Variants in ZDHHC7 observed in about 807,000 individuals in gnomAD.
ZDHHC7 encodes palmitoyltransferase ZDHHC7.
ZDHHC7 carries 12 observed loss-of-function variants against 34.1 expected under a neutral mutation model. The ratio of observed to expected loss-of-function variants is 0.35; its 90% CI spans 0.23 to 0.57. The LOEUF (loss-of-function observed/expected upper bound fraction) is 0.57. ZDHHC7 is among the 20% of genes least tolerant of loss of function. ZDHHC7 has a pLI of 0.84. For missense variants in ZDHHC7, 388 were observed against 402.7 expected (o/e 0.96, Z 0.31); for synonymous variants, 185 against 155.4 (o/e 1.19, Z -1.42).
chr16:85,010,789 C>G (rs946354713), intron 1 of ZDHHC7, among the ~76,000 whole-genome samples: 2 of 152,294 alleles, frequency 1.3e-5, no homozygotes. Flanking sequence ...AACTAACACC[C>G]AAAGATGACT....
At chr16:85,018,241 A>G in the ZDHHC7 span, among the ~76,000 whole-genome samples, 2 of 152,156 alleles carry the variant, frequency 1.3e-5, no homozygotes, top group Admixed American at 6.5e-5. Flanking sequence ...GAGTAAAAGC[A>G]GGAAGACACA....
intron 3 of ZDHHC7, among the ~76,000 whole-genome samples, chr16:84,983,249 T>C (rs1380792510): frequency 3.9e-5 from 6 of 152,160 alleles, no homozygotes; most frequent in African/African-American, 1.4e-4. Context: ...AAATGGAAGG[T>C]GGGAGCTAAC....
intron 1 of ZDHHC7, among the ~76,000 whole-genome samples, chr16:84,998,969 G>A (rs2072620115): frequency 6.6e-6 from 1 of 152,054 alleles, no homozygotes; most frequent in African/African-American, 2.4e-5. Flanking sequence ...TAGCCAGGCT[G>A]GTCTCGAACT....
Position 85,011,505 on chromosome 16 carries a change from T to C in ZDHHC7, c.-323A>G, listed in dbSNP as rs1179315559. ...AAATGCCTCAGCCCGGAGCCTTGGCTGGAGAGCGGGGCGGTGCGAGCGCCG... is the reference window on the plus strand; with the variant it reads ...AAATGCCTCAGCCCGGAGCCTTGGCCGGAGAGCGGGGCGGTGCGAGCGCCG... On this transcript the variant is annotated 5_prime_UTR_variant, in exon 1 of 8. Transcript: ENST00000313732. 4 of 152,142 alleles carry C rather than the reference T, an allele frequency of 2.6e-5. No homozygotes were observed. The highest frequency in any genetic ancestry group is 5.9e-5 in the Non-Finnish European group (4 of 68,032). 9.4% of individuals were successfully genotyped at this position (152,142 alleles called of 1,614,324 possible).
chr16:84,979,643 T>C (rs764394019), intron 4 of ZDHHC7, among the ~76,000 whole-genome samples: 3 of 152,132 alleles, frequency 2.0e-5, no homozygotes, highest in South Asian at 2.1e-4. Flanking sequence ...ACTGAAATTT[T>C]ACCCTCAAGG....
intron 3 of ZDHHC7, chr16:84,988,767 A>G (rs1411577154): frequency 1.5e-5 from 23 of 1,551,380 alleles, no homozygotes; most frequent in African/African-American, 2.7e-5. Context: ...ACTCACAAGC[A>G]GGAGGCTTTG....
chr16:85,003,450 G>C (rs1325250275), intron 1 of ZDHHC7, among the ~76,000 whole-genome samples: 1 of 152,222 alleles, frequency 6.6e-6, no homozygotes, highest in African/African-American at 2.4e-5. Context: ...GTGAGCTGAT[G>C]GCGACTGCGC....
At chr16:85,001,562 G>A (rs1204256479) in intron 1 of ZDHHC7, among the ~76,000 whole-genome samples, 3 of 152,006 alleles carry the variant, frequency 2.0e-5, no homozygotes. Flanking sequence ...GAGGAAGCTA[G>A]AATGACCTAA....
chr16:84,980,894 A>G (rs1303234196), intron 4 of ZDHHC7, among the ~76,000 whole-genome samples: 1 of 152,154 alleles, frequency 6.6e-6, no homozygotes, highest in Non-Finnish European at 1.5e-5. Flanking sequence ...ATCTTTCTTT[A>G]CTTTCTGGCC....
chr16:84,998,182 C>T (rs1311780615), intron 1 of ZDHHC7, among the ~76,000 whole-genome samples: 31 of 149,948 alleles, frequency 2.1e-4, no homozygotes, highest in Admixed American at 1.3e-4. Context: ...GAGAACGGCG[C>T]GAACCCGGGA....
At position 84,981,774 on chromosome 16, in the gene ZDHHC7, A is replaced by G. The variant is rs1030160503; in HGVS notation, c.440+96T>C. ...AACGTTGCCCAGATGCTCGGGGGCC[A>G]TGTACCTACGGTGGTGGGCGCACTC... On this transcript the variant is annotated intron_variant, in intron 4 of 7. Transcript: ENST00000313732. 3 of 1,596,884 alleles carry G rather than the reference A, an allele frequency of 1.9e-6. No homozygotes were observed. In the East Asian group the frequency reaches 6.7e-5, roughly 36 times the overall value.
At chr16:85,018,451 CT>C in the ZDHHC7 span, among the ~76,000 whole-genome samples, 35,206 of 142,826 alleles carry the variant, frequency 0.25, 5,249 homozygotes, top group African/African-American at 0.43. Flanking sequence ...TATTTGTATT[CT>C]TTTTTTTTTT....
the ZDHHC7 span, among the ~76,000 whole-genome samples, chr16:85,018,758 CT>C: frequency 3.9e-5 from 6 of 151,972 alleles, no homozygotes; most frequent in Admixed American, 2.6e-4. Context: ...CTGGTGTCTT[CT>C]CTATTTCAAG....
chr16:85,026,569 A>C, the ZDHHC7 span, among the ~76,000 whole-genome samples: 12 of 151,360 alleles, frequency 7.9e-5, 1 homozygote, highest in African/African-American at 2.9e-4. Flanking sequence ...TTTCCCAAGG[A>C]GTCTACAGTT....
At chr16:85,027,456 G>T in the ZDHHC7 span, among the ~76,000 whole-genome samples, 1 of 152,238 alleles carries the variant, frequency 6.6e-6, no homozygotes, top group South Asian at 2.1e-4. Flanking sequence ...CCCTGATGGC[G>T]CTTCCCATGC....
rs1239298884 is a variant in ZDHHC7 at position 84,975,953 on chromosome 16, G to A, written c.*390C>T. ...CACTGCTGAGTGGCGGGGTCAGCAG[G>A]AGCCCCCTGAAATGACTGCTTGGAG... On this transcript the variant is annotated 3_prime_UTR_variant, in exon 8 of 8. Transcript: ENST00000313732. The A allele has an allele frequency of 4.6e-6, 1 of 216,540 alleles. No individual in the cohort carries two copies. The highest frequency in any genetic ancestry group is 7.1e-5 in the South Asian group (1 of 14,142). The allele number at this position is 216,540 out of a possible 1,614,324, so 13.4% of individuals were successfully genotyped here. A position where few individuals can be genotyped will look rare whatever the true frequency, so the allele number is the denominator to read the frequency against.
At chr16:84,989,233 A>G (rs1012474515) in intron 3 of ZDHHC7, among the ~76,000 whole-genome samples, 1 of 152,232 alleles carries the variant, frequency 6.6e-6, no homozygotes, top group Non-Finnish European at 1.5e-5. Flanking sequence ...GGTTGGGCCT[A>G]TAATACTGTC....
chr16:85,011,113 G>T (rs968374439), intron 1 of ZDHHC7, among the ~76,000 whole-genome samples, 173 bp downstream of exon 1: 1 of 152,246 alleles, frequency 6.6e-6, no homozygotes, highest in Non-Finnish European at 1.5e-5. Context: ...CACCTGGAAG[G>T]GAAGTCAGGT....
At chr16:85,007,969 G>A (rs1239931368) in intron 1 of ZDHHC7, among the ~76,000 whole-genome samples, 1 of 151,932 alleles carries the variant, frequency 6.6e-6, no homozygotes, top group Non-Finnish European at 1.5e-5. Flanking sequence ...CAAAAAATAA[G>A]CCGGACAGGG....
Sources: allele counts gnomAD v4.1 joint callset (sites outside exome capture counted in the v4.1 genomes callset), GRCh38; gene constraint gnomAD v4.1.1; transcripts MANE v1.5; gene names NCBI Gene and HGNC (gene_info 2026-07-23, HGNC 2026-07-21).